Variants in SLC37A1 observed in about 807,000 individuals in gnomAD.
SLC37A1 encodes the protein solute carrier family 37 member 1.
A neutral mutation model predicts 75.3 loss-of-function variants in SLC37A1; 49 were observed. The observed-to-expected ratio is 0.65, with a 90% CI of 0.52 to 0.83. SLC37A1 has a LOEUF of 0.83. Ranked by LOEUF, SLC37A1 falls within the 40% of genes least tolerant of loss-of-function variation. SLC37A1 has a pLI of 0.00. For missense variants in SLC37A1, 566 were observed against 695.0 expected, an observed-to-expected ratio of 0.81 and a Z score of 2.09; for synonymous variants, 268 against 292.1, an observed-to-expected ratio of 0.92 and a Z score of 0.84.
chr21:42,546,335 A>C (rs2055405997), intron 8 of SLC37A1, among the ~76,000 whole-genome samples: 1 of 152,092 alleles, frequency 6.6e-6, no homozygotes, highest in Non-Finnish European at 1.5e-5. Flanking sequence ...TTACACAAAG[A>C]TGTTTGTTCC....
At chr21:42,557,247 A>T (rs550548049) in intron 10 of SLC37A1, among the ~76,000 whole-genome samples, 3 of 152,324 alleles carry the variant, frequency 2.0e-5, no homozygotes, top group African/African-American at 7.2e-5. Flanking sequence ...TGTAGCCCTC[A>T]GCTTGCTATG....
intron 8 of SLC37A1, among the ~76,000 whole-genome samples, chr21:42,546,746 C>T (rs1157498074): frequency 6.6e-6 from 1 of 152,094 alleles, no homozygotes; most frequent in Admixed American, 6.6e-5. Context: ...CATGCTATGG[C>T]GATGGCTTTT....
rs1439287393 is a variant in SLC37A1 at position 42,552,240 on chromosome 21, C to T, written c.769-1822C>T. ...TATTTTGTGCCCTAATCTAGGACCT[C>T]ATTGGGTCCAAAACCCTGTATCAGT... is the stretch of plus-strand genomic sequence containing the variant. On this transcript the variant is annotated intron_variant, in intron 9 of 19. Coordinates refer to ENST00000352133, the MANE Select transcript of SLC37A1 (RefSeq NM_001320537.2). The surrounding 1 kb of genome is among the most constrained non-coding windows in gnomAD (Gnocchi z 4.2). Among the ~76,000 whole-genome samples the T allele has an allele frequency of 6.6e-6, 1 of 152,198 alleles. No individual in the cohort carries two copies. Among genetic ancestry groups the T allele is most frequent in the African/African-American group, 2.4e-5 (1 of 41,434 alleles).
chr21:42,570,071 C>CTCAGAAAGCCA (rs2056095261), intron 17 of SLC37A1, among the ~76,000 whole-genome samples: 1 of 115,132 alleles, frequency 8.7e-6, no homozygotes, highest in African/African-American at 6.7e-5. Context: ...GTGGCCGTTG[C>CTCAGAAAGCCA]CATGTCATGC....
intron 2 of SLC37A1, among the ~76,000 whole-genome samples, chr21:42,520,907 A>G (rs117285788): frequency 1.3e-5 from 2 of 152,258 alleles, no homozygotes; most frequent in Non-Finnish European, 2.9e-5. Context: ...ATCTAGGACA[A>G]TCTGAGATTT....
intron 3 of SLC37A1, among the ~76,000 whole-genome samples, chr21:42,526,833 A>C (rs1366280567): frequency 2.0e-5 from 3 of 152,176 alleles, no homozygotes; most frequent in Non-Finnish European, 4.4e-5. Flanking sequence ...ACCTTTGAAA[A>C]TGTGGTTTTT....
rs1438807710 is a variant in SLC37A1 at position 42,545,670 on chromosome 21, A to G, written c.731-1433A>G. Among the ~76,000 whole-genome samples the G allele has an allele frequency of 1.3e-5, 2 of 152,234 alleles. No individual in the cohort carries two copies. The highest frequency in any genetic ancestry group is 6.5e-5 in the Admixed American group (1 of 15,294). On this transcript the variant is annotated intron_variant, in intron 8 of 19. Coordinates refer to ENST00000352133, the MANE Select transcript of SLC37A1 (RefSeq NM_001320537.2). The surrounding 1 kb of genome is among the most constrained non-coding windows in gnomAD (Gnocchi z 4.0). Reference sequence around the variant, plus strand: ...TGAAGGTGAAAGTCCAGGAAGAGCCATATCAGGGGAAGCCCCTGGCTTACC... The same window carrying G: ...TGAAGGTGAAAGTCCAGGAAGAGCCGTATCAGGGGAAGCCCCTGGCTTACC...
intron 3 of SLC37A1, among the ~76,000 whole-genome samples, chr21:42,533,544 C>A (rs228052): frequency 6.6e-5 from 10 of 151,966 alleles, no homozygotes; most frequent in Admixed American, 5.2e-4. Context: ...CAAGGAATGC[C>A]CTGAGGAAGA....
chr21:42,559,872 T>A (rs2055783329), intron 11 of SLC37A1, among the ~76,000 whole-genome samples: 2 of 99,170 alleles, frequency 2.0e-5, no homozygotes, highest in Non-Finnish European at 2.2e-5. Context: ...CAAGACTCTG[T>A]CTCAAAAAAA....
chr21:42,578,097 G>A lies in SLC37A1; in HGVS notation c.1522-1639G>A, dbSNP rs552194140. Among the ~76,000 whole-genome samples, 23 of 152,328 alleles carry A rather than the reference G, an allele frequency of 1.5e-4. No individual in the cohort carries two copies. In the South Asian group the frequency reaches 4.4e-3, roughly 29 times the overall value. On this transcript the variant is annotated intron_variant, in intron 18 of 19. Transcript: ENST00000352133. ...TATCTTTTCACCAAAATAGACAAGTGTTTCCTCCCGAGTCTGGAGCTGAGA... is the reference window on the plus strand; with the variant it reads ...TATCTTTTCACCAAAATAGACAAGTATTTCCTCCCGAGTCTGGAGCTGAGA...
intron 2 of SLC37A1, among the ~76,000 whole-genome samples, chr21:42,521,625 A>G (rs1475721381): frequency 6.6e-6 from 1 of 152,174 alleles, no homozygotes; most frequent in Non-Finnish European, 1.5e-5. Context: ...CCAGAGGGGC[A>G]CCCCCATCTG....
chr21:42,543,326 G>A (rs75863083), intron 7 of SLC37A1, 110 bp from the exon 8 acceptor site: 75,643 of 1,273,520 alleles, frequency 0.059, 2,602 homozygotes, highest in East Asian at 0.097. Context: ...ATGGCCCCCC[G>A]TTGATTCTGC....
chr21:42,564,718 G>A lies in SLC37A1; in HGVS notation c.1146G>A (p.Leu382=). 6.2e-7 allele frequency: 1 copy of A among 1,611,390 alleles called. No individual in the cohort carries two copies. Residue 382 remains leucine, a synonymous_variant, in exon 14 of 20, where the codon CTG becomes CTA. Transcript: ENST00000352133. ...GCCTCTCCGTTGCAGGTGGGATCCT[G>A]GCAGGTGTGATCTCAGACCGACTGG... is the stretch of plus-strand genomic sequence containing the variant. ...FDVGGIFGGI[L]AGVISDRLEK... is the part of the protein sequence containing the mutation.
chr21:42,506,472 C>T (rs1395380476), intron 2 of SLC37A1, among the ~76,000 whole-genome samples: 2 of 152,184 alleles, frequency 1.3e-5, no homozygotes, highest in African/African-American at 4.8e-5. Flanking sequence ...AGCATTTGTA[C>T]ACTAATTCAC....
intron 1 of SLC37A1, among the ~76,000 whole-genome samples, chr21:42,500,895 G>A (rs933963455): frequency 3.9e-5 from 6 of 152,162 alleles, no homozygotes; most frequent in Non-Finnish European, 8.8e-5. Context: ...ATACACACAC[G>A]CCCATACCTG....
rs1161313598 is a variant in SLC37A1 at position 42,530,654 on chromosome 21, A to ACACACAC, written c.139-4043_139-4042insACACACC. 5.2e-3 allele frequency among the ~76,000 whole-genome samples: 188 copies of ACACACAC among 35,878 alleles called. 10 individuals carry two copies. Among genetic ancestry groups the ACACACAC allele is most frequent in the South Asian group, 6.9e-3 (9 of 1,298 alleles). 23.5% of individuals were successfully genotyped at this position (35,878 alleles called of 152,430 possible). A position where few individuals can be genotyped will look rare whatever the true frequency, so the allele number is the denominator to read the frequency against. ...CACACACACACACACACACACACAC[A>ACACACAC]CCCCCTCTGTGTTGGCTGAAGGTGG... On this transcript the variant is annotated intron_variant, in intron 3 of 19. Coordinates refer to ENST00000352133, the MANE Select transcript of SLC37A1 (RefSeq NM_001320537.2).
chr21:42,535,621 T>A, intron 5 of SLC37A1, 71 bp downstream of exon 5: 3 of 1,368,298 alleles, frequency 2.2e-6, no homozygotes, highest in Non-Finnish European at 3.1e-6. Flanking sequence ...ACATCCGCTA[T>A]GCTGAAGTGC....
chr21:42,554,046 C>T lies in SLC37A1; in HGVS notation c.769-16C>T, dbSNP rs1345976251. 6 of 1,421,894 alleles carry T rather than the reference C, an allele frequency of 4.2e-6. No individual in the cohort carries two copies. The South Asian group carries it at 5.2e-5, about 12-fold the overall frequency. 88.1% of individuals were successfully genotyped at this position (1,421,894 alleles called of 1,614,324 possible). A position where few individuals can be genotyped will look rare whatever the true frequency, so the allele number is the denominator to read the frequency against. ...TTGAATCAGTATCGCTCTAATGAAA[C>T]TTTTTTTTTTACCAGCACTCAAAAG... On this transcript the variant is annotated splice_polypyrimidine_tract_variant and intron_variant, in intron 9 of 19. Transcript: ENST00000352133.
chr21:42,542,704 G>A (rs1424844166), intron 7 of SLC37A1, among the ~76,000 whole-genome samples: 4 of 152,346 alleles, frequency 2.6e-5, no homozygotes, highest in South Asian at 4.1e-4. Context: ...GTGTCACTCG[G>A]CGGCTCCTCT....
Sources: gnomAD v4.1 joint callset for allele counts (sites outside exome capture counted in the v4.1 genomes callset) on GRCh38, gnomAD v4.1.1 for gene constraint, Gnocchi (gnomAD v3.1) non-coding constraint, MANE v1.5 for transcripts, NCBI Gene and HGNC (gene_info 2026-07-23, HGNC 2026-07-21) for gene names.